Variants in MVK observed in about 807,000 individuals in gnomAD.
The protein encoded by MVK is mevalonate kinase.
Under a neutral mutation model 43.2 loss-of-function variants are expected in MVK, and 34 were observed. The observed-to-expected ratio is 0.79, with a 90% CI of 0.60 to 1.05. The LOEUF is 1.05. Ranked by LOEUF, MVK falls within the 50% of genes least tolerant of loss-of-function variation. The pLI, the probability that MVK is intolerant of heterozygous loss-of-function variation, is 0.00. For synonymous variants in MVK, 190 were observed against 219.8 expected (o/e 0.86, Z 1.20); for missense variants, 395 against 504.0 (o/e 0.78, Z 2.07).
intron 6 of MVK, 94 bp downstream of exon 6, chr12:109,586,219 A>G: frequency 1.0e-6 from 1 of 1,003,752 alleles, no homozygotes; most frequent in South Asian, 1.4e-5. Context: ...TTTGGGAGGA[A>G]TCGAATCAAT....
At chr12:109,589,431 C>G (rs998592414) in intron 7 of MVK, 1 of 152,112 alleles carries the variant, frequency 6.6e-6, no homozygotes, top group Non-Finnish European at 1.5e-5. Context: ...AGGAGCTTCC[C>G]CCCACCAACC....
intron 5 of MVK, among the ~76,000 whole-genome samples, chr12:109,584,675 A>G (rs568418634): frequency 1.6e-3 from 243 of 152,262 alleles, no homozygotes; most frequent in African/African-American, 5.6e-3. Context: ...GCTTCAGGTC[A>G]GGAGTTCGAG....
rs104895352 is a variant in MVK, at chr12:109,591,302, G to A, written c.830G>A (p.Arg277His). 1.5e-5 allele frequency: 25 copies of A among 1,614,068 alleles called. No homozygotes were observed. The highest frequency in any genetic ancestry group is 1.6e-4 in the Middle Eastern group (1 of 6,082). Residue 277 changes from arginine (R) to histidine (H), a missense_variant, in exon 9 of 11, where the codon CGC (arginine) becomes CAC (histidine). Arg to His is a conservative substitution (Grantham distance 29). Transcript: ENST00000228510. ...GATGCCATCTCCCTGGAGTGTGAGC[G>A]CGTGCTGGGAGAGATGGGGGAAGCC... ...SIDAISLECERVLGEMGEAPA... is the reference protein window; with the variant it reads ...SIDAISLECEHVLGEMGEAPA...
intron 9 of MVK, among the ~76,000 whole-genome samples, chr12:109,593,661 G>T (rs1037143923): frequency 6.6e-6 from 1 of 151,398 alleles, no homozygotes; most frequent in East Asian, 1.9e-4. Context: ...CACATATCTC[G>T]TGCCAGGCAT....
chr12:109,591,447 C>G (rs1885679860), intron 9 of MVK, 90 bp downstream of exon 9: 1 of 1,295,728 alleles, frequency 7.7e-7, no homozygotes, highest in Non-Finnish European at 1.1e-6. Context: ...TCAGAATCCC[C>G]CGGAAGCTAG....
chr12:109,595,613 C>A lies in MVK; in HGVS notation c.1039+432C>A, dbSNP rs1299419249. ...CCGTTGGTTTGGGGAAAGAGGAAGA[C>A]CGAGTAATGGGCTTGGCTTAGGAAG... On this transcript the variant is annotated intron_variant, in intron 10 of 10. Coordinates refer to ENST00000228510, the MANE Select transcript of MVK (RefSeq NM_000431.4). The surrounding 1 kb of genome is among the most constrained non-coding windows in gnomAD (Gnocchi z 5.9). 6.6e-6 allele frequency among the ~76,000 whole-genome samples: 1 copy of A among 152,120 alleles called. No individual in the cohort carries two copies. Among genetic ancestry groups the A allele is most frequent in the Non-Finnish European group, 1.5e-5 (1 of 68,034 alleles).
rs186232847 is a variant in MVK at position 109,574,792 on chromosome 12, T to C, written c.-14-17T>C. ...CATCTAGAGATCTTTGCTCTTCTCA[T>C]TGGCTTTCCCTTTTAGGATTCCCAG... is the stretch of plus-strand genomic sequence containing the variant. On this transcript the variant is annotated splice_polypyrimidine_tract_variant and intron_variant, in intron 1 of 10. Coordinates refer to ENST00000228510, the MANE Select transcript of MVK (RefSeq NM_000431.4). 183 of 1,568,760 alleles carry C rather than the reference T, an allele frequency of 1.2e-4. 1 individual carries two copies. In the East Asian group the frequency reaches 3.2e-3, roughly 27 times the overall value.
intron 7 of MVK, chr12:109,589,166 TA>T (rs1408877192): frequency 6.6e-6 from 1 of 152,276 alleles, no homozygotes; most frequent in African/African-American, 2.4e-5. Flanking sequence ...CAGGAGCGCT[TA>T]CCAGGCTTAC....
chr12:109,590,982 T>G (rs1251436366), intron 8 of MVK, 121 bp downstream of exon 8: 43 of 1,114,546 alleles, frequency 3.9e-5, no homozygotes, highest in Non-Finnish European at 5.6e-5. Context: ...TGGGGGCCCT[T>G]AGGGAGGTGG....
intron 5 of MVK, 61 bp from the exon 6 acceptor site, chr12:109,585,961 G>T: frequency 7.1e-7 from 1 of 1,411,666 alleles, no homozygotes; most frequent in Admixed American, 1.7e-5. Context: ...ACAGCCCCAG[G>T]TGACCCCTCC....
intron 3 of MVK, among the ~76,000 whole-genome samples, chr12:109,578,264 C>CT (rs60053584): frequency 0.17 from 25,139 of 145,144 alleles, 2,158 homozygotes; most frequent in African/African-American, 0.19. Flanking sequence ...AAACATTGAA[C>CT]TTTTTTTTTT....
intron 5 of MVK, among the ~76,000 whole-genome samples, chr12:109,582,347 TG>T (rs1885254561): frequency 6.6e-6 from 1 of 152,032 alleles, no homozygotes; most frequent in Non-Finnish European, 1.5e-5. Context: ...TTTGTTTGTT[TG>T]TTTTTTGAGA....
chr12:109,592,810 TC>T (rs1885741489), intron 9 of MVK, among the ~76,000 whole-genome samples: 1 of 152,180 alleles, frequency 6.6e-6, no homozygotes, highest in Admixed American at 6.5e-5. Flanking sequence ...TCCATCGAAT[TC>T]CTGTGTTTCG....
intron 7 of MVK, chr12:109,588,727 T>C (rs531286327): frequency 8.9e-4 from 136 of 152,364 alleles, no homozygotes; most frequent in Middle Eastern, 3.4e-3. Context: ...TCCACAAGTA[T>C]CATTAAGCAC....
intron 5 of MVK, among the ~76,000 whole-genome samples, chr12:109,583,255 C>G (rs572184916): frequency 6.6e-6 from 1 of 152,054 alleles, no homozygotes; most frequent in African/African-American, 2.4e-5. Context: ...CCTCTCCCCC[C>G]ATCCCACCAC....
At chr12:109,573,487 G>C (rs375376922), upstream of MVK, 234 of 1,599,278 alleles carry the variant, frequency 1.5e-4, no homozygotes, top group African/African-American at 2.2e-3. Context: ...CCATGAGCCA[G>C]GCTGCTTGAC....
chr12:109,596,470 A>C lies in MVK; in HGVS notation c.1084A>C (p.Ser362Arg). Residue 362 changes from serine to arginine, a missense_variant, in exon 11 of 11, where the codon AGC becomes CGC. Ser to Arg is a moderately radical substitution (Grantham distance 110). Coordinates refer to ENST00000228510, the MANE Select transcript of MVK (RefSeq NM_000431.4). Reference protein sequence around the residue: ...EVEATKQALTSCGFDCLETSI... With the variant: ...EVEATKQALTRCGFDCLETSI... The stretch of plus-strand genomic sequence containing the variant: ...GGAGGCCACGAAGCAGGCCCTGACC[A>C]GCTGTGGCTTTGACTGCTTGGAAAC... 1 of 1,613,704 alleles carries C rather than the reference A, an allele frequency of 6.2e-7. No homozygotes were observed. The highest frequency in any genetic ancestry group is 8.5e-7 in the Non-Finnish European group (1 of 1,179,954).
chr12:109,596,489 T>A lies in MVK; in HGVS notation c.1103T>A (p.Leu368Ter). ...QALTSCGFDC[L>*]ETSIGAPGVS... ...CTGACCAGCTGTGGCTTTGACTGCT[T>A]GGAAACCAGCATCGGTGCCCCCGGC... The change falls in exon 11 of 11, where the codon TTG becomes TAG. Residue 368 changes from leucine (L) to a stop codon, truncating the protein, a stop_gained. Transcript: ENST00000228510. LOFTEE classifies it high-confidence loss of function. 6.2e-7 allele frequency: 1 copy of A among 1,613,642 alleles called. No individual in the cohort carries two copies. Among genetic ancestry groups the A allele is most frequent in the Non-Finnish European group, 8.5e-7 (1 of 1,179,960 alleles).
At chr12:109,592,287 G>C (rs1163299114) in intron 9 of MVK, among the ~76,000 whole-genome samples, 1 of 152,188 alleles carries the variant, frequency 6.6e-6, no homozygotes, top group African/African-American at 2.4e-5. Context: ...TATGAGCTTA[G>C]GGAACCAAAG....
Sources: allele counts gnomAD v4.1 joint callset (sites outside exome capture counted in the v4.1 genomes callset), GRCh38; gene constraint gnomAD v4.1.1; non-coding constraint Gnocchi (gnomAD v3.1); transcripts MANE v1.5; gene names NCBI Gene and HGNC (gene_info 2026-07-23, HGNC 2026-07-21).